The following AXL variants were observed in gnomAD, a reference collection of about 807,000 sequenced individuals.
AXL encodes AXL receptor tyrosine kinase.
AXL carries 52 observed loss-of-function variants against 104.5 expected under a neutral mutation model. The ratio of observed to expected loss-of-function variants is 0.50; its 90% CI spans 0.40 to 0.63. The LOEUF (loss-of-function observed/expected upper bound fraction) is 0.63. Among genes scored for constraint, AXL ranks in the 20% least tolerant of loss-of-function variants. The pLI, the probability that AXL is intolerant of heterozygous loss-of-function variation, is 0.00. For missense variants in AXL, 1,024 were observed against 1,188.5 expected (o/e 0.86, Z 2.04); for synonymous variants, 455 against 473.7 (o/e 0.96, Z 0.51).
At position 41,227,911 on chromosome 19, in the gene AXL, G is replaced by A. The variant is rs140426967; in HGVS notation, c.587-3056G>A. The stretch of plus-strand genomic sequence containing the variant: ...GTATCAGATACAGCACTGAGATGCT[G>A]GACAAAGGGGGGATTCACGTTCTAG... On this transcript the variant is annotated intron_variant, in intron 4 of 19. Coordinates refer to ENST00000301178, the MANE Select transcript of AXL (RefSeq NM_021913.5). 3.9e-5 allele frequency among the ~76,000 whole-genome samples: 6 copies of A among 152,258 alleles called. No individual in the cohort carries two copies. In the East Asian group the frequency reaches 5.8e-4, roughly 15 times the overall value.
intron 6 of AXL, among the ~76,000 whole-genome samples, chr19:41,234,975 G>A (rs1397363355): frequency 1.3e-5 from 2 of 152,230 alleles, no homozygotes; most frequent in Admixed American, 6.5e-5. Flanking sequence ...CACTCTGAGT[G>A]TGCCATTCCT....
intron 14 of AXL, among the ~76,000 whole-genome samples, chr19:41,249,793 G>C (rs182971811): frequency 6.6e-6 from 1 of 151,892 alleles, no homozygotes; most frequent in African/African-American, 2.4e-5. Flanking sequence ...ACGCACACAT[G>C]GGCGACACAA....
chr19:41,251,348 G>A (rs1004709729), intron 14 of AXL, among the ~76,000 whole-genome samples: 2 of 151,934 alleles, frequency 1.3e-5, no homozygotes, highest in South Asian at 2.1e-4. Context: ...GATCACTTGA[G>A]GTGGGGAGTT....
At chr19:41,239,123 G>T (rs907019469) in intron 8 of AXL, 41 bp from the exon 9 acceptor site, 68 of 1,609,148 alleles carry the variant, frequency 4.2e-5, no homozygotes, top group Non-Finnish European at 5.5e-5. Flanking sequence ...TAACAGCTGG[G>T]GGGTAAGGTT....
In AXL at chr19:41,220,960, G is replaced by A. The variant is rs555518677; in HGVS notation, c.308+102G>A. The A allele has an allele frequency of 2.4e-5, 34 of 1,389,044 alleles. No individual in the cohort carries two copies. The East Asian group carries it at 4.6e-4, about 19-fold the overall frequency. The allele number at this position is 1,389,044 out of a possible 1,614,324, so 86.0% of individuals were successfully genotyped here. On this transcript the variant is annotated intron_variant, in intron 2 of 19. Coordinates refer to ENST00000301178, the MANE Select transcript of AXL (RefSeq NM_021913.5). ...CAGTTTGACCACTTGTCAGCCGTGC[G>A]GCTTTGAGCATGTGATGGAACCTCT...
intron 12 of AXL, among the ~76,000 whole-genome samples, chr19:41,244,891 G>C (rs140221990): frequency 1.2e-4 from 18 of 151,994 alleles, no homozygotes; most frequent in Non-Finnish European, 2.1e-4. Flanking sequence ...AAATTGGATA[G>C]CTGGGATTTG....
intron 4 of AXL, among the ~76,000 whole-genome samples, chr19:41,223,967 G>A (rs1350657476): frequency 7.3e-6 from 1 of 136,376 alleles, no homozygotes; most frequent in Non-Finnish European, 1.5e-5. Flanking sequence ...TGTCCCATGT[G>A]TGGTGTGTGT....
chr19:41,238,412 A>T, intron 7 of AXL, 58 bp from the exon 8 acceptor site: 1 of 1,583,210 alleles, frequency 6.3e-7, no homozygotes, highest in Non-Finnish European at 8.6e-7. Flanking sequence ...TCCTGGGAAC[A>T]GGGGAGGGGG....
chr19:41,249,898 C>A (rs1387602320), intron 14 of AXL, among the ~76,000 whole-genome samples: 1 of 152,168 alleles, frequency 6.6e-6, no homozygotes, highest in African/African-American at 2.4e-5. Context: ...TAAGGGCCTA[C>A]CTCCCATTGG....
rs2122276957 is a variant in AXL, at chr19:41,252,898, C to G, written c.1857C>G (p.Ile619Met). 1 of 1,603,218 alleles carries G rather than the reference C, an allele frequency of 6.2e-7. No homozygotes were observed. The highest frequency in any genetic ancestry group is 8.5e-7 in the Non-Finnish European group (1 of 1,175,010). The change falls in exon 16 of 20, where the codon ATC becomes ATG. Residue 619 changes from isoleucine (I) to methionine (M), a missense_variant. Ile to Met is a conservative substitution (Grantham distance 10). This residue lies in a region of AXL where 523 missense variants were observed against 636.0 expected (regional missense o/e 0.82). Coordinates refer to ENST00000301178, the MANE Select transcript of AXL (RefSeq NM_021913.5). Reference sequence around the variant, plus strand: ...AGAGCTTCCCAGCACCTGTGGTCATCTTACCTTTCATGAAACATGGAGACC... The same window carrying G: ...AGAGCTTCCCAGCACCTGTGGTCATGTTACCTTTCATGAAACATGGAGACC... ...ERESFPAPVVILPFMKHGDLH... is the reference protein window; with the variant it reads ...ERESFPAPVVMLPFMKHGDLH...
In AXL at chr19:41,236,052, C is replaced by T. The variant is rs79270384; in HGVS notation, c.784-1892C>T. ...TCTCTACACAGAATAAAAAAAAAGC[C>T]GGGTGTGGTAGCTCACACCTGTAAT... On this transcript the variant is annotated intron_variant, in intron 6 of 19. Coordinates refer to ENST00000301178, the MANE Select transcript of AXL (RefSeq NM_021913.5). Among the ~76,000 whole-genome samples the T allele has an allele frequency of 9.5e-3, 1,444 of 151,468 alleles. 32 individuals are homozygous for T. Among genetic ancestry groups the T allele is most frequent in the African/African-American group, 0.033 (1,372 of 41,250 alleles).
intron 12 of AXL, chr19:41,243,914 G>T: frequency 3.8e-6 from 2 of 520,674 alleles, no homozygotes; most frequent in Middle Eastern, 4.9e-4. Context: ...GTAAATCTTA[G>T]AAACACCAAG....
At chr19:41,248,447 G>A (rs2034306014) in intron 12 of AXL, 67 bp from the exon 13 acceptor site, 1 of 1,439,856 alleles carries the variant, frequency 6.9e-7, no homozygotes, top group Non-Finnish European at 9.8e-7. Flanking sequence ...TATCCCTACT[G>A]GTGGGTGAAT....
At chr19:41,233,640 A>C (rs1414257058) in intron 6 of AXL, among the ~76,000 whole-genome samples, 1 of 148,558 alleles carries the variant, frequency 6.7e-6, no homozygotes, top group Non-Finnish European at 1.5e-5. Flanking sequence ...AGAAAAAAAA[A>C]AACAAAAAAC....
rs749941613 is a variant in AXL at position 41,248,777 on chromosome 19, C to G, written c.1668C>G (p.Asn556Lys). The G allele has an allele frequency of 5.6e-6, 9 of 1,613,946 alleles. No individual in the cohort carries two copies. The highest frequency in any genetic ancestry group is 7.6e-6 in the Non-Finnish European group (9 of 1,179,928). Reference protein sequence around the residue: ...EFGAVMEGQLNQDDSILKVAV... With the variant: ...EFGAVMEGQLKQDDSILKVAV... ...GAGCTGTGATGGAAGGCCAGCTCAA[C>G]CAGGACGACTCCATCCTCAAGGTGG... is the stretch of plus-strand genomic sequence containing the variant. Residue 556 changes from asparagine (N) to lysine (K), a missense_variant, in exon 14 of 20, where the codon AAC becomes AAG. Transcript: ENST00000301178.
At chr19:41,254,391 AAAGAAAG>A (rs1456388875) in intron 17 of AXL, among the ~76,000 whole-genome samples, 9 of 139,584 alleles carry the variant, frequency 6.4e-5, no homozygotes, top group Middle Eastern at 3.4e-3. Context: ...AAAAAAAAAA[AAAGAAAG>A]AAAGAAAGAA....
At chr19:41,226,068 G>A (rs1269464360) in intron 4 of AXL, among the ~76,000 whole-genome samples, 2 of 152,232 alleles carry the variant, frequency 1.3e-5, no homozygotes, top group East Asian at 3.9e-4. Flanking sequence ...AGGGGAAGGG[G>A]TCCCAGTTCC....
intron 6 of AXL, among the ~76,000 whole-genome samples, chr19:41,235,087 T>C (rs1212346809): frequency 2.0e-5 from 3 of 152,172 alleles, no homozygotes; most frequent in Non-Finnish European, 4.4e-5. Context: ...GCACGGTGGC[T>C]CGTGCCTGTG....
chr19:41,249,847 C>T (rs1488704409), intron 14 of AXL, among the ~76,000 whole-genome samples: 1 of 152,086 alleles, frequency 6.6e-6, no homozygotes, highest in African/African-American at 2.4e-5. Flanking sequence ...GGTGAAATAC[C>T]CTGGCTTCTC....
Sources: gnomAD v4.1 joint callset for allele counts (sites outside exome capture counted in the v4.1 genomes callset) on GRCh38, gnomAD v4.1.1 for gene constraint, gnomAD v4.1.1 regional missense constraint, MANE v1.5 for transcripts, NCBI Gene and HGNC (gene_info 2026-07-23, HGNC 2026-07-21) for gene names.